Variants in CEBPZ observed in about 807,000 individuals in gnomAD.
CEBPZ encodes CCAAT enhancer binding protein zeta.
In CEBPZ, 78 loss-of-function variants were observed where a neutral mutation model predicts 104.5. The observed-to-expected ratio is 0.75, with a 90% CI of 0.62 to 0.90. The LOEUF is 0.90. Among genes scored for constraint, CEBPZ ranks in the 40% least tolerant of loss-of-function variants. The pLI is 0.00. For synonymous variants in CEBPZ, 470 were observed against 427.0 expected (o/e 1.10, Z -1.24); for missense variants, 1,439 against 1,233.5 (o/e 1.17, Z -2.50).
intron 2 of CEBPZ, among the ~76,000 whole-genome samples, chr2:37,226,229 T>G (rs34990056): frequency 0.045 from 6,810 of 151,958 alleles, 205 homozygotes; most frequent in Non-Finnish European, 0.066. Context: ...TTTCCAAATC[T>G]CTCGTCCCAC....
intron 3 of CEBPZ, 49 bp downstream of exon 3, chr2:37,223,121 C>G (rs772387284): frequency 4.1e-6 from 6 of 1,461,316 alleles, no homozygotes; most frequent in Non-Finnish European, 5.7e-6. Flanking sequence ...AAACAAAAAC[C>G]AATATATTTC....
intron 4 of CEBPZ, among the ~76,000 whole-genome samples, chr2:37,221,758 A>AAT (rs1218021023): frequency 6.6e-6 from 1 of 152,186 alleles, no homozygotes; most frequent in Non-Finnish European, 1.5e-5. Flanking sequence ...AGATGAATTA[A>AAT]TTTGACTGTG....
chr2:37,213,641 T>C, intron 10 of CEBPZ: 2 of 411,530 alleles, frequency 4.9e-6, no homozygotes, highest in Non-Finnish European at 8.7e-6. Flanking sequence ...CTCGAACTCC[T>C]GACCTCAAAC....
chr2:37,218,702 G>A (rs1394814983), intron 5 of CEBPZ, among the ~76,000 whole-genome samples: 2 of 151,992 alleles, frequency 1.3e-5, no homozygotes, highest in African/African-American at 2.4e-5. Context: ...TCAGGAGTTC[G>A]AGACCAGCCT....
chr2:37,228,560 C>G lies in CEBPZ; in HGVS notation c.633G>C (p.Lys211Asn). The change falls in exon 2 of 16, where the codon AAG becomes AAC. Residue 211 changes from lysine (K) to asparagine (N), a missense_variant. Physicochemically the swap from Lys to Asn is moderately conservative, Grantham distance 94. Coordinates refer to ENST00000234170, the MANE Select transcript of CEBPZ (RefSeq NM_005760.3). ...VVSKYKTLAQ[K>N]LYQHEINLFK... Reference sequence around the variant, plus strand: ...ATAAGTTGATTTCATGCTGATACAGCTTCTGAGCAAGGGTTTTGTACTTAG... The same window carrying G: ...ATAAGTTGATTTCATGCTGATACAGGTTCTGAGCAAGGGTTTTGTACTTAG... 1.2e-6 allele frequency: 2 copies of G among 1,614,228 alleles called. No homozygotes were observed. Among genetic ancestry groups the G allele is most frequent in the Non-Finnish European group, 1.7e-6 (2 of 1,180,040 alleles).
intron 13 of CEBPZ, among the ~76,000 whole-genome samples, chr2:37,206,868 A>ATT (rs1190002187): frequency 4.6e-5 from 7 of 152,184 alleles, no homozygotes; most frequent in African/African-American, 1.7e-4. Flanking sequence ...TAAAAGATAC[A>ATT]TTTGGACCAC....
chr2:37,209,265 A>G (rs1384776433), intron 13 of CEBPZ: 1 of 152,168 alleles, frequency 6.6e-6, no homozygotes, highest in South Asian at 2.1e-4. Flanking sequence ...AAATGCCATC[A>G]TCATTCTTCA....
chr2:37,216,140 C>A lies in CEBPZ; in HGVS notation c.2380G>T (p.Val794Leu). Residue 794 changes from valine (V) to leucine (L), a missense_variant and splice_region_variant, in exon 8 of 16, where the codon GTG (valine) becomes TTG (leucine). By Grantham distance (32) the Val-to-Leu change is conservative (BLOSUM62 1). Coordinates refer to ENST00000234170, the MANE Select transcript of CEBPZ (RefSeq NM_005760.3). ...HFIKDIRHLP[V>L]NSKEFLAKEE... ...TCAACTGTCTAAGGTTTATACTTAC[C>A]AGGAAGATGACGAATATCCTTAATA... 6.2e-7 allele frequency: 1 copy of A among 1,607,154 alleles called. No homozygotes were observed. Among genetic ancestry groups the A allele is most frequent in the Non-Finnish European group, 8.5e-7 (1 of 1,175,212 alleles).
chr2:37,223,048 C>G, intron 3 of CEBPZ, 122 bp downstream of exon 3: 1 of 776,414 alleles, frequency 1.3e-6, no homozygotes, highest in Non-Finnish European at 2.1e-6. Flanking sequence ...TTGTCCTATT[C>G]CAGAACTCAC....
chr2:37,222,894 G>T (rs1558476380), intron 3 of CEBPZ, among the ~76,000 whole-genome samples: 1 of 152,160 alleles, frequency 6.6e-6, no homozygotes. Context: ...TGTTAAGGAA[G>T]AAGACTTAAG....
intron 6 of CEBPZ, among the ~76,000 whole-genome samples, 182 bp downstream of exon 6, chr2:37,216,802 C>G (rs1677879709): frequency 6.6e-6 from 1 of 152,190 alleles, no homozygotes; most frequent in African/African-American, 2.4e-5. Context: ...ATTGCTTCCA[C>G]TCATCTCAGA....
At chr2:37,207,947 T>C (rs566971874) in intron 13 of CEBPZ, among the ~76,000 whole-genome samples, 1 of 152,130 alleles carries the variant, frequency 6.6e-6, no homozygotes, top group East Asian at 1.9e-4. Context: ...ATAAGCTCAA[T>C]TAGAGACGAA....
chr2:37,229,510 G>GATGAGCAA (rs1360711002), intron 1 of CEBPZ, among the ~76,000 whole-genome samples: 1 of 152,172 alleles, frequency 6.6e-6, no homozygotes, highest in Non-Finnish European at 1.5e-5. Flanking sequence ...TAATTTATCA[G>GATGAGCAA]ATGAGCAAAG....
In CEBPZ at chr2:37,216,396, C is replaced by T. The variant is rs753447258; in HGVS notation, c.2231G>A (p.Gly744Glu). 1 of 1,613,004 alleles carries T rather than the reference C, an allele frequency of 6.2e-7. No individual in the cohort carries two copies. The highest frequency in any genetic ancestry group is 1.7e-5 in the Admixed American group (1 of 59,928). The part of the protein sequence containing the change: ...ILQGNYIQYS[G>E]DPLQDFTLMR... ...TAGAGTGAAATCCTGCAGTGGGTCC[C>T]CTGAATACTGAATATAGTTTCCCTG... Residue 744 changes from glycine to glutamate, a missense_variant, in exon 7 of 16, where the codon GGG becomes GAG. Physicochemically the swap from Gly to Glu is moderately conservative, Grantham distance 98. Transcript: ENST00000234170.
At chr2:37,217,423 C>CA (rs1664640007) in intron 5 of CEBPZ, among the ~76,000 whole-genome samples, 1 of 151,846 alleles carries the variant, frequency 6.6e-6, no homozygotes, top group African/African-American at 2.4e-5. Flanking sequence ...AATGAAAATG[C>CA]AAAAATTTGA....
intron 12 of CEBPZ, 187 bp downstream of exon 12, chr2:37,211,654 AAC>A (rs1215945598): frequency 4.0e-6 from 2 of 501,146 alleles, no homozygotes; most frequent in Non-Finnish European, 6.9e-6. Context: ...CTTAAAAGAA[AAC>A]ACACATAACA....
At position 37,228,641 on chromosome 2, in the gene CEBPZ, A is replaced by G; in HGVS notation, c.552T>C (p.Tyr184=). 1.2e-6 allele frequency: 2 copies of G among 1,614,196 alleles called. No individual in the cohort carries two copies. Among genetic ancestry groups the G allele is most frequent in the Non-Finnish European group, 1.7e-6 (2 of 1,180,040 alleles). ...TLLLRPGGKW[Y]DLEYSNEYSL... ...AATATTCATTGCTGTACTCCAGATC[A>G]TACCATTTGCCTCCAGGCCTAAGTA... The change falls in exon 2 of 16, where the codon TAT becomes TAC. Residue 184 remains tyrosine (Y), a synonymous_variant. Transcript: ENST00000234170.
chr2:37,222,590 T>C, intron 3 of CEBPZ, 27 bp from the exon 4 acceptor site: 1 of 1,500,858 alleles, frequency 6.7e-7, no homozygotes, highest in Non-Finnish European at 9.0e-7. Context: ...TTCATAAATC[T>C]ACATAAATCA....
chr2:37,219,782 TATCTAATA>T (rs1248907737), intron 5 of CEBPZ, among the ~76,000 whole-genome samples: 2 of 152,032 alleles, frequency 1.3e-5, no homozygotes, highest in African/African-American at 4.8e-5. Context: ...TTTTCAGAGG[TATCTAATA>T]AATAAAGCAA....
Sources: gnomAD v4.1 joint callset for allele counts (sites outside exome capture counted in the v4.1 genomes callset) on GRCh38, gnomAD v4.1.1 for gene constraint, MANE v1.5 for transcripts, NCBI Gene and HGNC (gene_info 2026-07-23, HGNC 2026-07-21) for gene names.